RHOBTB3: variants seen among roughly 807,000 people sequenced by gnomAD.
RHOBTB3 encodes Rho related BTB domain containing 3.
Under a neutral mutation model 67.2 loss-of-function variants are expected in RHOBTB3, and 47 were observed. The ratio of observed to expected loss-of-function variants is 0.70; its 90% CI spans 0.55 to 0.89. The LOEUF (loss-of-function observed/expected upper bound fraction) is 0.89. Among genes scored for constraint, RHOBTB3 ranks in the 40% least tolerant of loss-of-function variants. The pLI is 0.00. For missense variants in RHOBTB3, 631 were observed against 750.0 expected (o/e 0.84, Z 1.85); for synonymous variants, 273 against 274.2 (o/e 1.00, Z 0.04).
intron 5 of RHOBTB3, among the ~76,000 whole-genome samples, chr5:95,753,953 TA>T (rs2112797984): frequency 6.6e-6 from 1 of 152,078 alleles, no homozygotes; most frequent in South Asian, 2.1e-4. Context: ...CTACTAAAAA[TA>T]CAAAAATTAG....
At chr5:95,745,614 C>T (rs1455563591) in intron 3 of RHOBTB3, among the ~76,000 whole-genome samples, 3 of 151,792 alleles carry the variant, frequency 2.0e-5, no homozygotes, top group Non-Finnish European at 4.4e-5. Flanking sequence ...AGATGTTATC[C>T]ATTTGAATGT....
Position 95,773,043 on chromosome 5 carries a change from TAGG to T in RHOBTB3, c.1282+4881_1282+4883del, listed in dbSNP as rs960477479. ...CTACCAAATTTGCTTATAATTTGCA[TAGG>T]AGGCATTGGTATCAAACATTATGTT... On this transcript the variant is annotated intron_variant, in intron 8 of 11. Coordinates refer to ENST00000379982, the MANE Select transcript of RHOBTB3 (RefSeq NM_014899.4). Among the ~76,000 whole-genome samples the T allele has an allele frequency of 8.7e-4, 133 of 152,336 alleles. 2 individuals carry two copies. Among genetic ancestry groups the T allele is most frequent in the African/African-American group, 3.1e-3 (127 of 41,564 alleles).
chr5:95,736,986 A>G lies in RHOBTB3; in HGVS notation c.326A>G (p.His109Arg), dbSNP rs1755469555. The G allele has an allele frequency of 1.2e-6, 2 of 1,607,646 alleles. No individual in the cohort carries two copies. The highest frequency in any genetic ancestry group is 1.7e-6 in the Non-Finnish European group (2 of 1,174,434). Residue 109 changes from histidine (H) to arginine (R), a missense_variant, in exon 3 of 12, where the codon CAT becomes CGT. Coordinates refer to ENST00000379982, the MANE Select transcript of RHOBTB3 (RefSeq NM_014899.4). ...KYNVNDKFSF[H>R]EVKDNYIPVI... is the part of the protein sequence containing the mutation. ...AACGTTAATGACAAGTTTTCATTCC[A>G]TGAAGTAAAGGATAATTATATTCCA...
Position 95,755,539 on chromosome 5 carries a change from G to T in RHOBTB3, c.826G>T (p.Ala276Ser), listed in dbSNP as rs186733002. ...VVEAHKIVLC[A>S]VSHVFMLLFN... Reference sequence around the variant, plus strand: ...AGAGGCCCACAAGATCGTTCTCTGCGCTGTAAGCCATGTTTTCATGCTGCT... The same window carrying T: ...AGAGGCCCACAAGATCGTTCTCTGCTCTGTAAGCCATGTTTTCATGCTGCT... Residue 276 changes from alanine (A) to serine (S), a missense_variant, in exon 6 of 12, where the codon GCT becomes TCT. Transcript: ENST00000379982. 4.3e-6 allele frequency: 7 copies of T among 1,614,080 alleles called. No homozygotes were observed. The East Asian group carries it at 1.6e-4, about 36-fold the overall frequency.
At chr5:95,744,046 C>CTCTCTCCTTCCCTCT (rs578179215) in intron 3 of RHOBTB3, among the ~76,000 whole-genome samples, 14 of 150,776 alleles carry the variant, frequency 9.3e-5, no homozygotes, top group Non-Finnish European at 1.8e-4. Context: ...TCCTCCCTCC[C>CTCTCTCCTTCCCTCT]TCTCTCCTTC....
chr5:95,753,097 A>G (rs1400454115), intron 5 of RHOBTB3, among the ~76,000 whole-genome samples: 3 of 152,130 alleles, frequency 2.0e-5, no homozygotes, highest in African/African-American at 7.2e-5. Context: ...GTGCCACTGC[A>G]CTGCACTCTG....
intron 11 of RHOBTB3, among the ~76,000 whole-genome samples, chr5:95,789,964 G>A (rs774323267): frequency 5.3e-5 from 8 of 152,180 alleles, no homozygotes; most frequent in Non-Finnish European, 1.0e-4. Context: ...TCCAGCCTGA[G>A]CAACATAACG....
intron 8 of RHOBTB3, chr5:95,768,967 G>C (rs1351454760): frequency 5.3e-6 from 1 of 189,510 alleles, no homozygotes; most frequent in African/African-American, 2.4e-5. Context: ...TGACCTGCCT[G>C]ACTGCACAAG....
intron 4 of RHOBTB3, among the ~76,000 whole-genome samples, chr5:95,750,588 T>G (rs1745061529): frequency 6.6e-6 from 1 of 152,206 alleles, no homozygotes. Context: ...TATGGAATAG[T>G]GCTAGGACTA....
At chr5:95,721,910 C>A (rs1754896343) in intron 1 of RHOBTB3, among the ~76,000 whole-genome samples, 1 of 152,038 alleles carries the variant, frequency 6.6e-6, no homozygotes, top group African/African-American at 2.4e-5. Context: ...ATGGCATTAG[C>A]AGGGCTTTTC....
chr5:95,763,565 G>C lies in RHOBTB3; in HGVS notation c.1106G>C (p.Gly369Ala), dbSNP rs202036278. 1 of 1,612,816 alleles carries C rather than the reference G, an allele frequency of 6.2e-7. No homozygotes were observed. Among genetic ancestry groups the C allele is most frequent in the African/African-American group, 1.3e-5 (1 of 74,870 alleles). ...ATCAGGAAGAAGTTGAAAGATTCTG[G>C]GGATGTTTCAAATGTAATCGAGAAA... ...EDIRKKLKDS[G>A]DVSNVIEKVK... The change falls in exon 7 of 12, where the codon GGG becomes GCG. Residue 369 changes from glycine to alanine, a missense_variant. Transcript: ENST00000379982.
chr5:95,784,101 C>G (rs912430609), intron 10 of RHOBTB3, 138 bp downstream of exon 10: 27 of 645,720 alleles, frequency 4.2e-5, no homozygotes, highest in Non-Finnish European at 6.3e-5. Flanking sequence ...GCTAAAGTGC[C>G]TTCACAACAG....
chr5:95,729,364 C>A (rs546082794), upstream of RHOBTB3, among the ~76,000 whole-genome samples: 64 of 152,234 alleles, frequency 4.2e-4, no homozygotes, highest in South Asian at 8.5e-3. Context: ...GCTTGGCTCA[C>A]CTATTGAGTA....
chr5:95,744,225 T>C (rs1160391971), intron 3 of RHOBTB3, among the ~76,000 whole-genome samples: 1 of 152,226 alleles, frequency 6.6e-6, no homozygotes, highest in Non-Finnish European at 1.5e-5. Flanking sequence ...CTGTACATGC[T>C]GTATTCTTAA....
At position 95,731,561 on chromosome 5, in the gene RHOBTB3, C is replaced by T. The variant is rs375635041; in HGVS notation, c.-122C>T. The T allele has an allele frequency of 3.7e-4, 552 of 1,474,598 alleles. 1 individual carries two copies. The Middle Eastern group carries it at 6.3e-3, about 17-fold the overall frequency. The allele number at this position is 1,474,598 out of a possible 1,614,324, so 91.3% of individuals were successfully genotyped here. ...TGCGTCGGCCCCGCCGCGGTGGAGG[C>T]GCGCGAGGGGGACGCGGCCGGGGAT... On this transcript the variant is annotated 5_prime_UTR_variant, in exon 1 of 12. Coordinates refer to ENST00000379982, the MANE Select transcript of RHOBTB3 (RefSeq NM_014899.4).
chr5:95,781,145 A>G (rs1746034814), intron 9 of RHOBTB3, among the ~76,000 whole-genome samples: 1 of 152,174 alleles, frequency 6.6e-6, no homozygotes, highest in African/African-American at 2.4e-5. Flanking sequence ...TTTTTTCTAC[A>G]GGCCTGGAGC....
chr5:95,750,318 G>A (rs1745053156), intron 4 of RHOBTB3, among the ~76,000 whole-genome samples: 1 of 152,158 alleles, frequency 6.6e-6, no homozygotes, highest in African/African-American at 2.4e-5. Context: ...TCCCCACAGG[G>A]CACAAGTCAG....
rs1746294451 is a variant in RHOBTB3, at chr5:95,788,779, C to T, written c.1641C>T (p.Cys547=). ...TCTTGCAGTTTCACCACTCTGATTG[C>T]CTTTCAACCTGGCTACTTCATTTCA... ...LKKAKFHHSD[C]LSTWLLHFIA... The change falls in exon 11 of 12, where the codon TGC becomes TGT. Residue 547 remains cysteine (C), a synonymous_variant. Coordinates refer to ENST00000379982, the MANE Select transcript of RHOBTB3 (RefSeq NM_014899.4). The T allele has an allele frequency of 1.3e-6, 2 of 1,588,570 alleles. No individual in the cohort carries two copies. Among genetic ancestry groups the T allele is most frequent in the Non-Finnish European group, 8.5e-7 (1 of 1,170,046 alleles).
chr5:95,741,482 T>G (rs1208957982), intron 3 of RHOBTB3, among the ~76,000 whole-genome samples: 3 of 151,160 alleles, frequency 2.0e-5, no homozygotes, highest in Non-Finnish European at 4.4e-5. Flanking sequence ...TTACATTTAG[T>G]TGTTATATCT....
Sources: allele counts gnomAD v4.1 joint callset (sites outside exome capture counted in the v4.1 genomes callset), GRCh38; gene constraint gnomAD v4.1.1; transcripts MANE v1.5; gene names NCBI Gene and HGNC (gene_info 2026-07-23, HGNC 2026-07-21).